The following NTMT2 variants were observed in gnomAD, a reference collection of about 807,000 sequenced individuals.
The protein encoded by NTMT2 is N-terminal Xaa-Pro-Lys N-methyltransferase 2.
NTMT2 carries 21 observed loss-of-function variants against 23.4 expected under a neutral mutation model. The observed-to-expected ratio is 0.90, with a 90% CI of 0.64 to 1.29. NTMT2 has a LOEUF of 1.29. Ranked by LOEUF, NTMT2 falls within the 50% of genes most tolerant of loss-of-function variation. NTMT2 has a pLI of 0.00. For synonymous variants in NTMT2, 131 were observed against 127.7 expected, an observed-to-expected ratio of 1.03 and a Z score of -0.17; for missense variants, 336 against 352.0, an observed-to-expected ratio of 0.95 and a Z score of 0.36.
At chr1:170,162,893 CT>C (rs1329216665) in intron 2 of NTMT2, among the ~76,000 whole-genome samples, 36 of 141,438 alleles carry the variant, frequency 2.5e-4, no homozygotes, top group Admixed American at 9.9e-4. Flanking sequence ...TATTTATTTA[CT>C]TTTTTGGTGG....
intron 1 of NTMT2, among the ~76,000 whole-genome samples, chr1:170,149,588 A>G (rs1571816160): frequency 1.3e-5 from 2 of 152,344 alleles, no homozygotes; most frequent in Middle Eastern, 6.8e-3. Context: ...TGTTAAATGA[A>G]TTAAATGGCC....
At chr1:170,157,102 A>G (rs563026147) in intron 1 of NTMT2, among the ~76,000 whole-genome samples, 1 of 152,168 alleles carries the variant, frequency 6.6e-6, no homozygotes, top group South Asian at 2.1e-4. Flanking sequence ...ATTATTGGTG[A>G]TGGCTGGTTT....
intron 1 of NTMT2, among the ~76,000 whole-genome samples, chr1:170,150,399 A>G (rs531394230): frequency 5.9e-4 from 90 of 152,336 alleles, no homozygotes; most frequent in Non-Finnish European, 8.1e-4. Flanking sequence ...AGTGTTTTGC[A>G]TATATTATCT....
At chr1:170,164,667 C>A (rs925977222) in intron 2 of NTMT2, among the ~76,000 whole-genome samples, 1 of 152,122 alleles carries the variant, frequency 6.6e-6, no homozygotes, top group African/African-American at 2.4e-5. Flanking sequence ...CTAAATGAAG[C>A]CTTATAATTC....
Position 170,146,103 on chromosome 1 carries a change from T to C in NTMT2, c.-5T>C, listed in dbSNP as rs1032827140. The stretch of plus-strand genomic sequence containing the variant: ...CTGTAGGAATCATTATTATCCCCCT[T>C]TGTCATGGCCCACCGGGGAGCCCAT... On this transcript the variant is annotated 5_prime_UTR_variant, in exon 1 of 4. Transcript: ENST00000439373. 2 of 1,549,946 alleles carry C rather than the reference T, an allele frequency of 1.3e-6. No individual in the cohort carries two copies. The highest frequency in any genetic ancestry group is 1.7e-6 in the Non-Finnish European group (2 of 1,146,346).
intron 1 of NTMT2, among the ~76,000 whole-genome samples, chr1:170,155,353 C>CTTTTTCCTTCCTCTCTCT (rs1442237031): frequency 3.9e-5 from 6 of 152,046 alleles, no homozygotes; most frequent in African/African-American, 1.2e-4. Flanking sequence ...CTTACTCCAA[C>CTTTTTCCTTCCTCTCTCT]TTTTTCCTTC....
At chr1:170,151,960 A>C (rs957128973) in intron 1 of NTMT2, among the ~76,000 whole-genome samples, 1 of 152,186 alleles carries the variant, frequency 6.6e-6, no homozygotes, top group African/African-American at 2.4e-5. Flanking sequence ...AGTATGCCTA[A>C]TTGGGAGGAC....
intron 3 of NTMT2, among the ~76,000 whole-genome samples, chr1:170,166,982 C>T (rs1372996725): frequency 6.6e-6 from 1 of 152,132 alleles, no homozygotes; most frequent in African/African-American, 2.4e-5. Flanking sequence ...GTTCTCGAAC[C>T]AACTTAAATG....
chr1:170,150,859 A>C (rs976463488), intron 1 of NTMT2, among the ~76,000 whole-genome samples: 5 of 152,198 alleles, frequency 3.3e-5, no homozygotes, highest in African/African-American at 4.8e-5. Context: ...GGAAATCTCC[A>C]GTGTGTATAC....
At chr1:170,161,014 C>T (rs748642691) in intron 2 of NTMT2, among the ~76,000 whole-genome samples, 5 of 152,124 alleles carry the variant, frequency 3.3e-5, no homozygotes, top group East Asian at 1.9e-4. Flanking sequence ...GTCTCATAAA[C>T]GTTTCATACC....
At chr1:170,150,539 AGAACCCAGGT>A (rs1673047813) in intron 1 of NTMT2, among the ~76,000 whole-genome samples, 2 of 152,236 alleles carry the variant, frequency 1.3e-5, no homozygotes, top group South Asian at 4.1e-4. Context: ...TAGCAGGATT[AGAACCCAGGT>A]GATCTAACTC....
intron 1 of NTMT2, among the ~76,000 whole-genome samples, chr1:170,154,564 C>G (rs1004036202): frequency 6.6e-6 from 1 of 152,166 alleles, no homozygotes; most frequent in African/African-American, 2.4e-5. Flanking sequence ...TTGTGAGGGA[C>G]CTTTAACCCC....
In NTMT2 at chr1:170,146,191, T is replaced by C. The variant is rs573081653; in HGVS notation, c.84T>C (p.Phe28=). The change falls in exon 1 of 4, where the codon TTT becomes TTC. Residue 28 remains phenylalanine (F), a synonymous_variant. Coordinates refer to ENST00000439373, the MANE Select transcript of NTMT2 (RefSeq NM_001136107.2). ...AACTCTGTAGACATAGCATGTCTTT[T>C]ATCCTTCACAAAGCCATTCGCAATG... ...DDELCRHSMS[F]ILHKAIRNDF... 1.3e-6 allele frequency: 2 copies of C among 1,551,458 alleles called. No individual in the cohort carries two copies. Among genetic ancestry groups the C allele is most frequent in the Non-Finnish European group, 1.7e-6 (2 of 1,146,954 alleles).
At chr1:170,165,923 GATAA>G (rs1673369499) in intron 2 of NTMT2, among the ~76,000 whole-genome samples, 2 of 150,676 alleles carry the variant, frequency 1.3e-5, no homozygotes, top group South Asian at 4.2e-4. Flanking sequence ...TCTTTTTTTG[GATAA>G]ATAAAGAAAG....
rs147253400 is a variant in NTMT2, at chr1:170,160,560, T to C, written c.197T>C (p.Met66Thr). Residue 66 changes from methionine (M) to threonine (T), a missense_variant, in exon 2 of 4, where the codon ATG becomes ACG. By Grantham distance (81) the Met-to-Thr change is moderately conservative. Coordinates refer to ENST00000439373, the MANE Select transcript of NTMT2 (RefSeq NM_001136107.2). Reference protein sequence around the residue: ...ALTSQVINGEMQFYARAKLFY... With the variant: ...ALTSQVINGETQFYARAKLFY... ...ACAAGCCAAGTCATCAATGGTGAGA[T>C]GCAGTTCTATGCCAGAGCTAAACTT... is the stretch of plus-strand genomic sequence containing the variant. 6.5e-3 allele frequency: 10,023 copies of C among 1,549,748 alleles called. 63 individuals are homozygous for C. The highest frequency in any genetic ancestry group is 0.02 in the Middle Eastern group (121 of 5,980).
chr1:170,166,142 T>TTC (rs1553216571), intron 2 of NTMT2, among the ~76,000 whole-genome samples: 16 of 133,048 alleles, frequency 1.2e-4, no homozygotes, highest in African/African-American at 3.1e-4. Flanking sequence ...TTTTTTTTCT[T>TTC]TTTTTTTTTT....
chr1:170,167,132 A>T (rs1425187348), intron 3 of NTMT2, among the ~76,000 whole-genome samples: 1 of 152,312 alleles, frequency 6.6e-6, no homozygotes, highest in South Asian at 2.1e-4. Context: ...AGGAAATGAG[A>T]CAGCAGTGAA....
rs57166192 is a variant in NTMT2, at chr1:170,168,240, C to CAAAA, written c.*494_*497dup. ...CAGATAAAGCATTTGTCTACTCAAA[C>CAAAA]AAAAAAAAAAAAAAGAAAAAGAAAC... On this transcript the variant is annotated 3_prime_UTR_variant, in exon 4 of 4. Coordinates refer to ENST00000439373, the MANE Select transcript of NTMT2 (RefSeq NM_001136107.2). 5.2e-4 allele frequency among the ~76,000 whole-genome samples: 61 copies of CAAAA among 116,824 alleles called. 2 individuals are homozygous for CAAAA. The highest frequency in any genetic ancestry group is 6.3e-4 in the Admixed American group (7 of 11,178). 76.6% of individuals were successfully genotyped at this position (116,824 alleles called of 152,430 possible).
chr1:170,151,340 T>A (rs529908933), intron 1 of NTMT2: 2 of 154,316 alleles, frequency 1.3e-5, no homozygotes, highest in African/African-American at 4.8e-5. Flanking sequence ...CTCTCTTGCG[T>A]TGATCCCTTT....
Sources: gnomAD v4.1 joint callset for allele counts (sites outside exome capture counted in the v4.1 genomes callset) on GRCh38, gnomAD v4.1.1 for gene constraint, MANE v1.5 for transcripts, NCBI Gene and HGNC (gene_info 2026-07-23, HGNC 2026-07-21) for gene names.